Variants in RPTOR observed in about 807,000 individuals in gnomAD.
RPTOR encodes regulatory associated protein of MTOR complex 1.
A neutral mutation model predicts 169.9 loss-of-function variants in RPTOR; 21 were observed. The ratio of observed to expected loss-of-function variants is 0.12; its 90% CI spans 0.09 to 0.18. The LOEUF (loss-of-function observed/expected upper bound fraction) is 0.18. RPTOR is among the 10% of genes least tolerant of loss of function. The probability of loss-of-function intolerance (pLI) is 1.00; values close to 1 mark genes in which losing one functional copy is unlikely to be tolerated. For synonymous variants in RPTOR, 732 were observed against 753.2 expected (o/e 0.97, Z 0.46); for missense variants, 1,133 against 1,855.9 (o/e 0.61, Z 7.16).
intron 8 of RPTOR, 94 bp from the exon 9 acceptor site, chr17:80,822,985 T>C (rs774895059): frequency 2.1e-6 from 3 of 1,414,136 alleles, no homozygotes; most frequent in Non-Finnish European, 1.9e-6. Context: ...GTCCCAACTT[T>C]AGTAATTTTT....
intron 6 of RPTOR, among the ~76,000 whole-genome samples, chr17:80,762,100 T>A (rs1037730438): frequency 1.7e-4 from 26 of 152,314 alleles, no homozygotes; most frequent in African/African-American, 6.3e-4. Context: ...ACTGTTCCAG[T>A]CTCTTGACAT....
intron 6 of RPTOR, among the ~76,000 whole-genome samples, chr17:80,768,740 T>G (rs753469592): frequency 3.3e-5 from 5 of 152,184 alleles, no homozygotes; most frequent in Admixed American, 6.5e-5. Context: ...ACATATTAAC[T>G]GCTTATTTGC....
chr17:80,657,773 G>A (rs1247369610), intron 3 of RPTOR, among the ~76,000 whole-genome samples: 1 of 152,118 alleles, frequency 6.6e-6, no homozygotes, highest in Non-Finnish European at 1.5e-5. Context: ...GGAATATTTA[G>A]TCCATTTACA....
chr17:80,716,038 G>A (rs1284251227), intron 4 of RPTOR, among the ~76,000 whole-genome samples: 1 of 152,218 alleles, frequency 6.6e-6, no homozygotes, highest in Non-Finnish European at 1.5e-5. Flanking sequence ...GCGTGTGCAA[G>A]TATCTTTTGT....
intron 13 of RPTOR, among the ~76,000 whole-genome samples, chr17:80,868,875 C>G (rs1332808168): frequency 6.6e-6 from 1 of 152,022 alleles, no homozygotes; most frequent in Non-Finnish European, 1.5e-5. Flanking sequence ...TGTATGGTGC[C>G]ATTCATTTAA....
At position 80,965,147 on chromosome 17, in the gene RPTOR, G is replaced by A; in HGVS notation, c.*817G>A. ...CACGGGGCTCCTTTCCCTCCGAAGG[G>A]CTGCTCTTCCCCACAGGCGCGGGGA... On this transcript the variant is annotated 3_prime_UTR_variant, in exon 34 of 34. Transcript: ENST00000306801. The A allele has an allele frequency of 4.3e-6, 1 of 233,328 alleles. No homozygotes were observed. Among genetic ancestry groups the A allele is most frequent in the Non-Finnish European group, 8.5e-6 (1 of 118,072 alleles). 14.5% of individuals were successfully genotyped at this position (233,328 alleles called of 1,614,324 possible). A position where few individuals can be genotyped will look rare whatever the true frequency, so the allele number is the denominator to read the frequency against.
At position 80,962,370 on chromosome 17, in the gene RPTOR, G is replaced by T. The variant is rs1327154595; in HGVS notation, c.3693-91G>T. On this transcript the variant is annotated intron_variant, in intron 31 of 33. Transcript: ENST00000306801. ...GAGCAGTGTGTGTGCAAACAGGTGT[G>T]CGACCCCACACACCTGGTTCCACCG... 51 of 1,000,888 alleles carry T rather than the reference G, an allele frequency of 5.1e-5. No homozygotes were observed. In the East Asian group the frequency reaches 9.8e-4, roughly 19 times the overall value. The allele number at this position is 1,000,888 out of a possible 1,614,324, so 62.0% of individuals were successfully genotyped here. A position where few individuals can be genotyped will look rare whatever the true frequency, so the allele number is the denominator to read the frequency against.
chr17:80,942,516 A>ATGGTGCCAGCAGGCG (rs958090859), intron 25 of RPTOR, among the ~76,000 whole-genome samples: 24 of 152,078 alleles, frequency 1.6e-4, no homozygotes, highest in African/African-American at 4.6e-4. Flanking sequence ...GACACAGGGG[A>ATGGTGCCAGCAGGCG]TGGTGCCAGC....
At position 80,908,768 on chromosome 17, in the gene RPTOR, G is replaced by A. The variant is rs1395152669; in HGVS notation, c.2402-43G>A. 7.7e-6 allele frequency: 11 copies of A among 1,433,178 alleles called. 1 individual carries two copies. The highest frequency in any genetic ancestry group is 4.2e-5 in the African/African-American group (3 of 71,306). The allele number at this position is 1,433,178 out of a possible 1,614,324, so 88.8% of individuals were successfully genotyped here. On this transcript the variant is annotated intron_variant, in intron 20 of 33. Transcript: ENST00000306801. Reference sequence around the variant, plus strand: ...TGCAGCCGCCTTAGGAGCCTCATTGGCAGCTACTTTCCACTAAAACATCTT... The same window carrying A: ...TGCAGCCGCCTTAGGAGCCTCATTGACAGCTACTTTCCACTAAAACATCTT...
intron 6 of RPTOR, among the ~76,000 whole-genome samples, chr17:80,776,440 C>T (rs1381734762): frequency 6.6e-6 from 1 of 151,088 alleles, no homozygotes; most frequent in Non-Finnish European, 1.5e-5. Flanking sequence ...TCTCCTGCCT[C>T]AGACTCCCAA....
chr17:80,902,190 C>T (rs556889815), intron 20 of RPTOR, among the ~76,000 whole-genome samples: 1 of 152,218 alleles, frequency 6.6e-6, no homozygotes, highest in Non-Finnish European at 1.5e-5. Context: ...TCTCTGCAGA[C>T]CACAACTGGG....
intron 30 of RPTOR, 59 bp from the exon 31 acceptor site, chr17:80,961,335 C>T (rs879344220): frequency 3.4e-6 from 5 of 1,482,264 alleles, no homozygotes; most frequent in South Asian, 1.2e-5. Flanking sequence ...GTGAGAGCCC[C>T]GAAGGGTGGG....
chr17:80,835,619 C>T (rs1005505649), intron 9 of RPTOR, among the ~76,000 whole-genome samples: 2 of 152,226 alleles, frequency 1.3e-5, no homozygotes, highest in Admixed American at 6.5e-5. Flanking sequence ...CACAGGTGGA[C>T]AGTTCCCCTC....
At chr17:80,620,326 A>G (rs1334668147) in intron 1 of RPTOR, among the ~76,000 whole-genome samples, 1 of 152,258 alleles carries the variant, frequency 6.6e-6, no homozygotes, top group African/African-American at 2.4e-5. Flanking sequence ...TTTTTGGCAC[A>G]TTAAATTTGA....
At chr17:80,636,339 A>C (rs1010356486) in intron 2 of RPTOR, among the ~76,000 whole-genome samples, 3 of 152,176 alleles carry the variant, frequency 2.0e-5, no homozygotes, top group Non-Finnish European at 4.4e-5. Flanking sequence ...CGACCCCTGC[A>C]ACACTGTCTT....
At chr17:80,819,436 A>G (rs942471045) in intron 7 of RPTOR, among the ~76,000 whole-genome samples, 1 of 152,184 alleles carries the variant, frequency 6.6e-6, no homozygotes, top group Admixed American at 6.5e-5. Flanking sequence ...GAACAGTTTA[A>G]CTGCTTGTAG....
intron 6 of RPTOR, among the ~76,000 whole-genome samples, chr17:80,786,869 G>C (rs896006641): frequency 1.3e-5 from 2 of 152,192 alleles, no homozygotes; most frequent in Admixed American, 6.5e-5. Flanking sequence ...ACTTGTTTGC[G>C]TACCCAGCCT....
chr17:80,871,345 G>A (rs1005006432), intron 13 of RPTOR, among the ~76,000 whole-genome samples: 3 of 152,192 alleles, frequency 2.0e-5, no homozygotes, highest in Non-Finnish European at 4.4e-5. Flanking sequence ...TCCTGACTGC[G>A]TGAGCCACCG....
rs561480772 is a variant in RPTOR at position 80,609,240 on chromosome 17, A to C, written c.163-16451A>C. 1.3e-5 allele frequency among the ~76,000 whole-genome samples: 2 copies of C among 152,194 alleles called. No homozygotes were observed. Among genetic ancestry groups the C allele is most frequent in the East Asian group, 1.9e-4 (1 of 5,196 alleles). ...TGCTCTCAGGCCCACAGAATTCTGC[A>C]CTGTGAGCAGCGCAGGTCGGAAGAG... On this transcript the variant is annotated intron_variant, in intron 1 of 33. Coordinates refer to ENST00000306801, the MANE Select transcript of RPTOR (RefSeq NM_020761.3). The surrounding 1 kb of genome is among the most constrained non-coding windows in gnomAD (Gnocchi z 4.8).
Sources: allele counts gnomAD v4.1 joint callset (sites outside exome capture counted in the v4.1 genomes callset), GRCh38; gene constraint gnomAD v4.1.1; non-coding constraint Gnocchi (gnomAD v3.1); transcripts MANE v1.5; gene names NCBI Gene and HGNC (gene_info 2026-07-23, HGNC 2026-07-21).